Variants in NALF1 observed in about 807,000 individuals in gnomAD.
The protein encoded by NALF1 is NALCN channel auxiliary factor 1.
In NALF1, 3 loss-of-function variants were observed where a neutral mutation model predicts 48.4. That is an observed-to-expected ratio of 0.06 (90% CI 0.03 to 0.16). The LOEUF is 0.16. Ranked by LOEUF, NALF1 falls within the 10% of genes least tolerant of loss-of-function variation. The pLI, the probability that NALF1 is intolerant of heterozygous loss-of-function variation, is 1.00. For missense variants in NALF1, 526 were observed against 571.5 expected (o/e 0.92, Z 0.81); for synonymous variants, 262 against 245.7 (o/e 1.07, Z -0.62).
chr13:107,264,632 C>A lies in NALF1; in HGVS notation c.916-53877G>T, dbSNP rs540997129. Among the ~76,000 whole-genome samples, 6 of 152,296 alleles carry A rather than the reference C, an allele frequency of 3.9e-5. No homozygotes were observed. In the South Asian group the frequency reaches 1.0e-3, roughly 26 times the overall value. On this transcript the variant is annotated intron_variant, in intron 1 of 2. Transcript: ENST00000375915. The stretch of plus-strand genomic sequence containing the variant: ...ACCCAACATCAGTTTCGACCCCTTG[C>A]CTTAGAAGGAACAACTATTAATAGT...
intron 1 of NALF1, among the ~76,000 whole-genome samples, chr13:107,407,544 A>G (rs553572231): frequency 6.6e-6 from 1 of 152,306 alleles, no homozygotes; most frequent in East Asian, 1.9e-4. Flanking sequence ...AATGCCAATC[A>G]AAACTACTGT....
intron 1 of NALF1, among the ~76,000 whole-genome samples, chr13:107,538,185 G>T (rs998642015): frequency 1.3e-5 from 2 of 152,072 alleles, no homozygotes; most frequent in Non-Finnish European, 2.9e-5. Context: ...TTCTACATCT[G>T]ACCAACTTGT....
At chr13:107,724,859 G>A (rs182270631) in intron 1 of NALF1, among the ~76,000 whole-genome samples, 40 of 152,216 alleles carry the variant, frequency 2.6e-4, no homozygotes, top group Admixed American at 2.1e-3. Context: ...GGGATTACAG[G>A]CATGAACCAC....
intron 2 of NALF1, among the ~76,000 whole-genome samples, chr13:107,181,613 CTTT>C (rs72367311): frequency 7.4e-6 from 1 of 134,766 alleles, no homozygotes; most frequent in African/African-American, 2.7e-5. Flanking sequence ...ACTATATAGA[CTTT>C]TTTTTTTTTT....
At chr13:107,332,899 G>A (rs1882495108) in intron 1 of NALF1, among the ~76,000 whole-genome samples, 1 of 152,172 alleles carries the variant, frequency 6.6e-6, no homozygotes, top group South Asian at 2.1e-4. Flanking sequence ...AGGCTGGAGT[G>A]TAATGGCATG....
chr13:107,823,174 T>C (rs1270676126), intron 1 of NALF1, among the ~76,000 whole-genome samples: 1 of 152,242 alleles, frequency 6.6e-6, no homozygotes, highest in Non-Finnish European at 1.5e-5. Context: ...CCTCCTCATT[T>C]GTCTGGCAAA....
chr13:107,794,722 T>C (rs1439943560), intron 1 of NALF1, among the ~76,000 whole-genome samples: 5 of 151,842 alleles, frequency 3.3e-5, no homozygotes, highest in South Asian at 2.1e-4. Context: ...TACAGGATCA[T>C]TGTAGGAATT....
intron 1 of NALF1, among the ~76,000 whole-genome samples, chr13:107,504,109 GGGT>G (rs1461505232): frequency 2.6e-5 from 4 of 151,808 alleles, no homozygotes; most frequent in Non-Finnish European, 5.9e-5. Context: ...AAAATTAGCT[GGGT>G]GTGGCGGCAC....
chr13:107,569,433 C>T (rs1344312251), intron 1 of NALF1, among the ~76,000 whole-genome samples: 2 of 151,944 alleles, frequency 1.3e-5, no homozygotes, highest in Non-Finnish European at 2.9e-5. Context: ...GATGGCGCCA[C>T]CGCACTCCAG....
In NALF1 at chr13:107,605,860, G is replaced by T. The variant is rs181892544; in HGVS notation, c.915+259822C>A. On this transcript the variant is annotated intron_variant, in intron 1 of 2. Coordinates refer to ENST00000375915, the MANE Select transcript of NALF1 (RefSeq NM_001080396.3). ...TTTCCAGCAGACAACCTGTTCCCAC[G>T]CTGAGAAGCTAATGTCTTGCCCCTT... Among the ~76,000 whole-genome samples the T allele has an allele frequency of 1.2e-4, 19 of 152,232 alleles. 1 individual carries two copies. Among genetic ancestry groups the T allele is most frequent in the Admixed American group, 1.0e-3 (16 of 15,292 alleles).
chr13:107,670,236 C>T (rs1028505312), intron 1 of NALF1, among the ~76,000 whole-genome samples: 11 of 152,014 alleles, frequency 7.2e-5, no homozygotes, highest in East Asian at 1.9e-4. Flanking sequence ...GTCTTATTGA[C>T]GAGTAAAATA....
chr13:107,814,010 A>C (rs1275344512), intron 1 of NALF1, among the ~76,000 whole-genome samples: 1 of 152,170 alleles, frequency 6.6e-6, no homozygotes, highest in East Asian at 1.9e-4. Context: ...GGGGGAGTAC[A>C]AAGAAGGAAA....
chr13:107,331,242 C>T (rs7331088), intron 1 of NALF1, among the ~76,000 whole-genome samples: 37,195 of 151,964 alleles, frequency 0.24, 4,855 homozygotes, highest in Non-Finnish European at 0.27. Context: ...TTTTCTGGTA[C>T]GGTATCATTC....
chr13:107,528,058 C>T (rs562612189), intron 1 of NALF1, among the ~76,000 whole-genome samples: 50 of 152,130 alleles, frequency 3.3e-4, no homozygotes, highest in Non-Finnish European at 6.2e-4. Flanking sequence ...TGAAAGAACA[C>T]CCACTGCTAT....
chr13:107,516,688 C>T (rs1296985707), intron 1 of NALF1, among the ~76,000 whole-genome samples: 1 of 152,062 alleles, frequency 6.6e-6, no homozygotes, highest in African/African-American at 2.4e-5. Flanking sequence ...ATACAGCATG[C>T]AGGGACTCTG....
intron 1 of NALF1, among the ~76,000 whole-genome samples, chr13:107,677,005 C>T (rs996965862): frequency 1.3e-5 from 2 of 151,966 alleles, no homozygotes; most frequent in African/African-American, 4.8e-5. Context: ...GGGTCAGAAT[C>T]ATATATATGA....
intron 1 of NALF1, among the ~76,000 whole-genome samples, chr13:107,701,188 T>C (rs1881808908): frequency 6.6e-6 from 1 of 152,214 alleles, no homozygotes; most frequent in African/African-American, 2.4e-5. Flanking sequence ...TTCACTCTCA[T>C]GTGCATTGCA....
intron 1 of NALF1, among the ~76,000 whole-genome samples, chr13:107,687,058 C>T (rs1382854543): frequency 3.3e-5 from 5 of 152,140 alleles, no homozygotes; most frequent in Non-Finnish European, 7.3e-5. Context: ...CTTAAGCGTC[C>T]ATCAATGGAT....
chr13:107,784,747 A>C (rs1177965160), intron 1 of NALF1, among the ~76,000 whole-genome samples: 1 of 152,156 alleles, frequency 6.6e-6, no homozygotes, highest in Non-Finnish European at 1.5e-5. Context: ...AATCAAAAAA[A>C]AAGTAGATGT....
Sources: allele counts gnomAD v4.1 joint callset (sites outside exome capture counted in the v4.1 genomes callset), GRCh38; gene constraint gnomAD v4.1.1; transcripts MANE v1.5; gene names NCBI Gene and HGNC (gene_info 2026-07-23, HGNC 2026-07-21).